Variants in MAPK4 observed in about 807,000 individuals in gnomAD.
MAPK4 encodes the protein Erk3-related.
In MAPK4, 22 loss-of-function variants were observed where a neutral mutation model predicts 47.7. That is an observed-to-expected ratio of 0.46 (90% CI 0.33 to 0.66). The LOEUF (loss-of-function observed/expected upper bound fraction) is 0.66, where lower values mean the gene tolerates loss of function less well. Among genes scored for constraint, MAPK4 ranks in the 30% least tolerant of loss-of-function variants. The probability of loss-of-function intolerance (pLI) is 0.02; values close to 1 mark genes in which losing one functional copy is unlikely to be tolerated. For missense variants in MAPK4, 736 were observed against 831.7 expected, an observed-to-expected ratio of 0.88 and a Z score of 1.42; for synonymous variants, 390 against 365.7, an observed-to-expected ratio of 1.07 and a Z score of -0.76.
chr18:50,721,894 G>GC (rs748272912), intron 3 of MAPK4, 44 bp from the exon 4 acceptor site: 3 of 1,608,206 alleles, frequency 1.9e-6, no homozygotes, highest in Non-Finnish European at 2.5e-6. Context: ...GCACACCACA[G>GC]CCCCTTGGAC....
intron 1 of MAPK4, among the ~76,000 whole-genome samples, chr18:50,658,578 A>G (rs549262609): frequency 6.6e-6 from 1 of 152,336 alleles, no homozygotes; most frequent in Non-Finnish European, 1.5e-5. Flanking sequence ...CATCTTCATC[A>G]TGTCCTCTTT....
chr18:50,679,565 AG>A (rs1282783364), intron 2 of MAPK4, among the ~76,000 whole-genome samples: 3 of 152,092 alleles, frequency 2.0e-5, no homozygotes, highest in African/African-American at 7.2e-5. Flanking sequence ...AGGAGCCCCT[AG>A]GGTTGAAAAG....
intron 5 of MAPK4, among the ~76,000 whole-genome samples, chr18:50,728,850 G>A (rs1481087718): frequency 6.6e-6 from 1 of 152,228 alleles, no homozygotes; most frequent in Non-Finnish European, 1.5e-5. Context: ...CGAGGACAGG[G>A]ACGTTTGTTT....
At chr18:50,696,716 C>A (rs952730533) in intron 2 of MAPK4, among the ~76,000 whole-genome samples, 11 of 152,300 alleles carry the variant, frequency 7.2e-5, no homozygotes, top group African/African-American at 2.2e-4. Context: ...AACAGCGTAA[C>A]TTGTTTACAC....
rs982750701 is a variant in MAPK4, at chr18:50,560,209, G to T, written c.-905G>T. Reference sequence around the variant, plus strand: ...CGCGGCCGCAGACAAAGGGCGGCTCGCGCCCGGGCCGCCACGCTCTCGGGC... The same window carrying T: ...CGCGGCCGCAGACAAAGGGCGGCTCTCGCCCGGGCCGCCACGCTCTCGGGC... On this transcript the variant is annotated 5_prime_UTR_variant, in exon 1 of 6. Transcript: ENST00000400384. 6.6e-6 allele frequency: 1 copy of T among 151,446 alleles called. No individual in the cohort carries two copies. The highest frequency in any genetic ancestry group is 6.6e-5 in the Admixed American group (1 of 15,214). The allele number at this position is 151,446 out of a possible 1,614,324, so 9.4% of individuals were successfully genotyped here. A position where few individuals can be genotyped will look rare whatever the true frequency, so the allele number is the denominator to read the frequency against.
chr18:50,559,997 TGG>T (rs2042136872), upstream of MAPK4: 1 of 148,132 alleles, frequency 6.8e-6, no homozygotes, highest in Non-Finnish European at 1.5e-5. Flanking sequence ...CCGCAGCAGG[TGG>T]GGGCCCAGTG....
intron 1 of MAPK4, among the ~76,000 whole-genome samples, chr18:50,633,075 G>A (rs1210607400): frequency 1.3e-5 from 2 of 152,192 alleles, no homozygotes; most frequent in African/African-American, 4.8e-5. Context: ...TGGACAATAA[G>A]GAAATGGGTG....
chr18:50,650,325 C>T (rs191707684), intron 1 of MAPK4, among the ~76,000 whole-genome samples: 1 of 148,952 alleles, frequency 6.7e-6, no homozygotes, highest in Non-Finnish European at 1.5e-5. Context: ...GCCCCCTTTC[C>T]ACTACCCCCT....
At chr18:50,576,144 A>G (rs947296147) in intron 1 of MAPK4, among the ~76,000 whole-genome samples, 2 of 146,780 alleles carry the variant, frequency 1.4e-5, no homozygotes, top group Non-Finnish European at 3.0e-5. Flanking sequence ...TTTTTTGGGT[A>G]TATACCCAAA....
At chr18:50,606,776 G>A (rs1212713051) in intron 1 of MAPK4, among the ~76,000 whole-genome samples, 1 of 152,218 alleles carries the variant, frequency 6.6e-6, no homozygotes, top group East Asian at 1.9e-4. Context: ...AGGCATAGCT[G>A]TGTGGCAGTA....
chr18:50,662,307 T>A (rs531972244), intron 1 of MAPK4, among the ~76,000 whole-genome samples: 2 of 152,164 alleles, frequency 1.3e-5, no homozygotes, highest in Non-Finnish European at 2.9e-5. Flanking sequence ...TTTTGCAGGG[T>A]TTTTCCTCCC....
intron 1 of MAPK4, among the ~76,000 whole-genome samples, chr18:50,574,847 G>C (rs1398599777): frequency 2.0e-5 from 3 of 152,166 alleles, no homozygotes; most frequent in African/African-American, 7.2e-5. Flanking sequence ...TTGCAATAGA[G>C]AAAAATCACC....
At chr18:50,707,939 A>G (rs1271990340) in intron 2 of MAPK4, among the ~76,000 whole-genome samples, 1 of 152,218 alleles carries the variant, frequency 6.6e-6, no homozygotes, top group Non-Finnish European at 1.5e-5. Flanking sequence ...GCAGATCAGC[A>G]TTTAGGGCAT....
At chr18:50,580,032 C>T (rs1202514096) in intron 1 of MAPK4, among the ~76,000 whole-genome samples, 1 of 152,184 alleles carries the variant, frequency 6.6e-6, no homozygotes, top group African/African-American at 2.4e-5. Context: ...GTAATTGATA[C>T]ATCTCCAAGA....
intron 4 of MAPK4, among the ~76,000 whole-genome samples, chr18:50,724,916 C>T (rs988873797): frequency 3.3e-5 from 5 of 152,204 alleles, no homozygotes; most frequent in African/African-American, 4.8e-5. Flanking sequence ...CCAGAGATGC[C>T]AGTGCTGAGA....
At chr18:50,714,592 G>A (rs895747148) in intron 2 of MAPK4, among the ~76,000 whole-genome samples, 1 of 152,190 alleles carries the variant, frequency 6.6e-6, no homozygotes, top group Non-Finnish European at 1.5e-5. Flanking sequence ...TGGCTTTGTG[G>A]CAGCATTAAT....
intron 1 of MAPK4, among the ~76,000 whole-genome samples, chr18:50,597,217 T>C (rs571751708): frequency 2.6e-5 from 4 of 152,290 alleles, no homozygotes; most frequent in Admixed American, 2.6e-4. Flanking sequence ...TTACTAACCT[T>C]TACTAAGCAC....
chr18:50,715,058 A>G (rs759804574), intron 2 of MAPK4, 21 bp from the exon 3 acceptor site: 1 of 1,611,954 alleles, frequency 6.2e-7, no homozygotes, highest in African/African-American at 1.3e-5. Context: ...GATCAGTGGA[A>G]CCAGAAATTT....
intron 2 of MAPK4, among the ~76,000 whole-genome samples, chr18:50,671,256 G>A (rs1238901367): frequency 6.6e-6 from 1 of 152,188 alleles, no homozygotes; most frequent in Non-Finnish European, 1.5e-5. Context: ...GAGTTTACTG[G>A]AAAGCTACAC....
Sources: gnomAD v4.1 joint callset for allele counts (sites outside exome capture counted in the v4.1 genomes callset) on GRCh38, gnomAD v4.1.1 for gene constraint, MANE v1.5 for transcripts, NCBI Gene and HGNC (gene_info 2026-07-23, HGNC 2026-07-21) for gene names.